Variants in NKAIN2 observed in about 807,000 individuals in gnomAD.
NKAIN2 encodes sodium/potassium transporting ATPase interacting 2.
NKAIN2 carries 14 observed loss-of-function variants against 32.6 expected under a neutral mutation model. The ratio of observed to expected loss-of-function variants is 0.43; its 90% CI spans 0.28 to 0.67. The LOEUF is 0.67. Among genes scored for constraint, NKAIN2 ranks in the 30% least tolerant of loss-of-function variants. The probability of loss-of-function intolerance (pLI) is 0.17; values close to 1 mark genes in which losing one functional copy is unlikely to be tolerated. For missense variants in NKAIN2, 198 were observed against 258.3 expected, an observed-to-expected ratio of 0.77 and a Z score of 1.60; for synonymous variants, 80 against 87.2, an observed-to-expected ratio of 0.92 and a Z score of 0.46.
At chr6:123,925,116 AT>A (rs1192650995) in intron 1 of NKAIN2, among the ~76,000 whole-genome samples, 1 of 152,146 alleles carries the variant, frequency 6.6e-6, no homozygotes, top group Non-Finnish European at 1.5e-5. Context: ...CATGGTTTCT[AT>A]TATAGGTACT....
intron 1 of NKAIN2, among the ~76,000 whole-genome samples, chr6:123,969,963 A>G (rs921140699): frequency 3.3e-5 from 5 of 152,214 alleles, no homozygotes; most frequent in African/African-American, 1.2e-4. Flanking sequence ...AATTCAATCA[A>G]AGGATAAAAT....
intron 5 of NKAIN2, among the ~76,000 whole-genome samples, chr6:124,796,037 C>T (rs1281511304): frequency 6.6e-6 from 1 of 152,138 alleles, no homozygotes; most frequent in Non-Finnish European, 1.5e-5. Flanking sequence ...GTTTGGCAGG[C>T]CAGCTGGTTG....
intron 3 of NKAIN2, among the ~76,000 whole-genome samples, chr6:124,592,668 G>A (rs566090308): frequency 6.6e-6 from 1 of 152,180 alleles, no homozygotes; most frequent in African/African-American, 2.4e-5. Flanking sequence ...ATCAACATTT[G>A]GACCCAAACC....
chr6:124,574,444 C>G (rs1018937894), intron 3 of NKAIN2, among the ~76,000 whole-genome samples: 2 of 152,036 alleles, frequency 1.3e-5, no homozygotes, highest in Non-Finnish European at 1.5e-5. Flanking sequence ...GTGGCGAAAC[C>G]CTGTCTCTAC....
intron 4 of NKAIN2, among the ~76,000 whole-genome samples, chr6:124,752,092 G>T (rs1777748502): frequency 3.9e-5 from 6 of 151,948 alleles, no homozygotes; most frequent in Admixed American, 3.9e-4. Context: ...AAAATGCCTA[G>T]CTTTACTTTT....
intron 1 of NKAIN2, among the ~76,000 whole-genome samples, chr6:124,111,857 T>C (rs910334706): frequency 6.6e-6 from 1 of 152,044 alleles, no homozygotes; most frequent in Non-Finnish European, 1.5e-5. Context: ...TGTATGTGTG[T>C]GTGTGTGGTT....
At chr6:123,921,140 G>T (rs1378684519) in intron 1 of NKAIN2, among the ~76,000 whole-genome samples, 1 of 152,166 alleles carries the variant, frequency 6.6e-6, no homozygotes, top group Non-Finnish European at 1.5e-5. Context: ...AGAAATGAGA[G>T]AACGCAATAG....
intron 3 of NKAIN2, among the ~76,000 whole-genome samples, chr6:124,462,520 A>C (rs1043568917): frequency 1.3e-5 from 2 of 152,008 alleles, no homozygotes; most frequent in African/African-American, 4.8e-5. Context: ...CATAGCTTTC[A>C]GAGTTACTAA....
intron 1 of NKAIN2, among the ~76,000 whole-genome samples, chr6:123,871,749 T>A (rs570331444): frequency 6.6e-6 from 1 of 152,342 alleles, no homozygotes; most frequent in Non-Finnish European, 1.5e-5. Context: ...CTTCTAATGT[T>A]GCTGTTCAAA....
chr6:124,239,986 A>G lies in NKAIN2; in HGVS notation c.55-43019A>G, dbSNP rs9372770. 4.6e-5 allele frequency among the ~76,000 whole-genome samples: 7 copies of G among 152,294 alleles called. No individual in the cohort carries two copies. In the East Asian group the frequency reaches 1.4e-3, roughly 29 times the overall value. On this transcript the variant is annotated intron_variant, in intron 1 of 6. Coordinates refer to ENST00000368417, the MANE Select transcript of NKAIN2 (RefSeq NM_001040214.3). Reference sequence around the variant, plus strand: ...TTTTTTGAAAGGATTGAAAAAATAGATAGACCACTAGCCAGACTAATAAAG... The same window carrying G: ...TTTTTTGAAAGGATTGAAAAAATAGGTAGACCACTAGCCAGACTAATAAAG...
chr6:123,950,712 C>T (rs1176493411), intron 1 of NKAIN2, among the ~76,000 whole-genome samples: 1 of 151,592 alleles, frequency 6.6e-6, no homozygotes, highest in East Asian at 1.9e-4. Flanking sequence ...CCAAGTTTTT[C>T]AATTTTGTTT....
At chr6:124,569,412 C>T (rs1214450261) in intron 3 of NKAIN2, among the ~76,000 whole-genome samples, 1 of 152,092 alleles carries the variant, frequency 6.6e-6, no homozygotes, top group Non-Finnish European at 1.5e-5. Context: ...CTTGCATCTT[C>T]TGTACACCCT....
Position 124,548,405 on chromosome 6 carries a change from A to T in NKAIN2, c.274-109781A>T, listed in dbSNP as rs1780171171. Among the ~76,000 whole-genome samples the T allele has an allele frequency of 2.0e-5, 3 of 152,210 alleles. No homozygotes were observed. In the South Asian group the frequency reaches 6.2e-4, roughly 31 times the overall value. ...GCAGATAACATAATTAAGATTTTGC[A>T]ATGGCATATAAAATTCTTAGTGGAT... On this transcript the variant is annotated intron_variant, in intron 3 of 6. Coordinates refer to ENST00000368417, the MANE Select transcript of NKAIN2 (RefSeq NM_001040214.3).
rs180765585 is a variant in NKAIN2, at chr6:124,286,439, T to G, written c.192+3297T>G. Reference sequence around the variant, plus strand: ...ATAATTAATAATAACCTATCCAAAATTATTTTACTGAATTATCCTCTTACC... The same window carrying G: ...ATAATTAATAATAACCTATCCAAAAGTATTTTACTGAATTATCCTCTTACC... On this transcript the variant is annotated intron_variant, in intron 2 of 6. Coordinates refer to ENST00000368417, the MANE Select transcript of NKAIN2 (RefSeq NM_001040214.3). Among the ~76,000 whole-genome samples, 319 of 152,270 alleles carry G rather than the reference T, an allele frequency of 2.1e-3. 2 individuals carry two copies. The highest frequency in any genetic ancestry group is 6.9e-3 in the African/African-American group (287 of 41,568).
chr6:124,185,319 A>G (rs1293552215), intron 1 of NKAIN2, among the ~76,000 whole-genome samples: 4 of 152,204 alleles, frequency 2.6e-5, no homozygotes, highest in Admixed American at 6.5e-5. Flanking sequence ...TAAAATTATG[A>G]GTTCTGATTC....
At chr6:124,367,285 T>C (rs1022511417) in intron 3 of NKAIN2, among the ~76,000 whole-genome samples, 3 of 152,160 alleles carry the variant, frequency 2.0e-5, no homozygotes, top group Admixed American at 6.6e-5. Flanking sequence ...GTTTTATGCA[T>C]CCCTAGGATC....
intron 1 of NKAIN2, among the ~76,000 whole-genome samples, chr6:124,175,946 A>G (rs538538624): frequency 2.0e-4 from 31 of 152,108 alleles, no homozygotes; most frequent in South Asian, 8.3e-4. Flanking sequence ...ACATTTTTTT[A>G]AGTACTGACA....
At chr6:124,451,103 A>G (rs1208326991) in intron 3 of NKAIN2, among the ~76,000 whole-genome samples, 4 of 152,154 alleles carry the variant, frequency 2.6e-5, no homozygotes, top group Non-Finnish European at 5.9e-5. Context: ...TAATTTTATC[A>G]TGATTATTCT....
At chr6:124,785,105 C>G (rs1175559046) in intron 4 of NKAIN2, among the ~76,000 whole-genome samples, 1 of 152,034 alleles carries the variant, frequency 6.6e-6, no homozygotes, top group Non-Finnish European at 1.5e-5. Flanking sequence ...TTCCATGAGT[C>G]TCTGAGGCTC....
Sources: allele counts gnomAD v4.1 joint callset (sites outside exome capture counted in the v4.1 genomes callset), GRCh38; gene constraint gnomAD v4.1.1; transcripts MANE v1.5; gene names NCBI Gene and HGNC (gene_info 2026-07-23, HGNC 2026-07-21).